PPRC1: variants seen among roughly 807,000 people sequenced by gnomAD.
The protein encoded by PPRC1 is peroxisome proliferator-activated receptor gamma coactivator-related protein 1.
A neutral mutation model predicts 132.5 loss-of-function variants in PPRC1; 23 were observed. That is an observed-to-expected ratio of 0.17 (90% confidence interval 0.12 to 0.25). PPRC1 has a LOEUF of 0.25. Among genes scored for constraint, PPRC1 ranks in the 10% least tolerant of loss-of-function variants. The pLI is 1.00. For synonymous variants in PPRC1, 872 were observed against 833.5 expected (o/e 1.05, Z -0.80); for missense variants, 2,006 against 2,089.1 (o/e 0.96, Z 0.78).
At chr10:102,128,985 A>C (rs192592376), upstream of PPRC1, among the ~76,000 whole-genome samples, 5,792 of 127,112 alleles carry the variant, frequency 0.046, 169 homozygotes, top group Non-Finnish European at 0.062. Flanking sequence ...GCTGGAGTGC[A>C]GTGGCGCGAT....
At chr10:102,134,499 A>G (rs1397910021) in intron 1 of PPRC1, among the ~76,000 whole-genome samples, 1 of 152,194 alleles carries the variant, frequency 6.6e-6, no homozygotes, top group Non-Finnish European at 1.5e-5. Flanking sequence ...TACCTCTCTT[A>G]AACAATTAAG....
At position 102,150,047 on chromosome 10, in the gene PPRC1, C is replaced by G. The variant is rs756501162; in HGVS notation, c.*18C>G. The G allele has an allele frequency of 6.3e-7, 1 of 1,580,940 alleles. No individual in the cohort carries two copies. The highest frequency in any genetic ancestry group is 8.7e-7 in the Non-Finnish European group (1 of 1,149,978). On this transcript the variant is annotated 3_prime_UTR_variant, in exon 14 of 14. Transcript: ENST00000278070. The stretch of plus-strand genomic sequence containing the variant: ...GGAGGTAACCTTGGGCCCTTCCCTG[C>G]TATCCTTTTTCTCCTTTGGAGGTGC...
chr10:102,142,924 A>G (rs2069059301), intron 5 of PPRC1, 121 bp from the exon 6 acceptor site: 1 of 819,876 alleles, frequency 1.2e-6, no homozygotes, highest in East Asian at 2.6e-5. Context: ...ACCTTGGTTC[A>G]CTTAGTACAG....
In PPRC1 at chr10:102,146,778, C is replaced by G; in HGVS notation, c.3786C>G (p.Thr1262=). 1 of 1,614,088 alleles carries G rather than the reference C, an allele frequency of 6.2e-7. No homozygotes were observed. Among genetic ancestry groups the G allele is most frequent in the Non-Finnish European group, 8.5e-7 (1 of 1,180,012 alleles). Residue 1262 remains threonine, a synonymous_variant, in exon 9 of 14, where the codon ACC becomes ACG. Transcript: ENST00000278070. ...CTAAGTCCACCGCCCAGGAGGGAAC[C>G]CTGAAGCCTGAAGGAGTTACGGAGG... is the stretch of plus-strand genomic sequence containing the variant. The part of the protein sequence containing the change: ...KSPKSTAQEG[T]LKPEGVTEAK...
Position 102,141,401 on chromosome 10 carries a change from C to T in PPRC1, c.2893C>T (p.Pro965Ser), listed in dbSNP as rs761107680. ...VPPTCSVPWA[P>S]PPAPVSPYSS... Reference sequence around the variant, plus strand: ...TCCCACTTGCAGTGTGCCTTGGGCACCCCCTCCTGCCCCAGTCTCACCTTA... The same window carrying T: ...TCCCACTTGCAGTGTGCCTTGGGCATCCCCTCCTGCCCCAGTCTCACCTTA... The change falls in exon 5 of 14, where the codon CCC (proline) becomes TCC (serine). Residue 965 changes from proline (P) to serine (S), a missense_variant. Physicochemically the swap from Pro to Ser is moderately conservative, Grantham distance 74. This residue lies in a region of PPRC1 where 1,914 missense variants were observed against 1,917.2 expected (regional missense o/e 1.00). Transcript: ENST00000278070. 1.2e-6 allele frequency: 2 copies of T among 1,613,820 alleles called. No homozygotes were observed. The highest frequency in any genetic ancestry group is 1.3e-5 in the African/African-American group (1 of 74,890).
upstream of PPRC1, among the ~76,000 whole-genome samples, chr10:102,128,565 A>G (rs1361625468): frequency 6.6e-6 from 1 of 152,122 alleles, no homozygotes; most frequent in African/African-American, 2.4e-5. Flanking sequence ...CAAGAGAGAC[A>G]GAGAGAGACA....
chr10:102,134,319 G>A (rs1377577771), intron 1 of PPRC1, among the ~76,000 whole-genome samples: 1 of 152,146 alleles, frequency 6.6e-6, no homozygotes, highest in Non-Finnish European at 1.5e-5. Context: ...GTTGGAGGCG[G>A]TTTGAGAACT....
chr10:102,128,065 A>C (rs1379079167), upstream of PPRC1, among the ~76,000 whole-genome samples: 6 of 151,898 alleles, frequency 4.0e-5, no homozygotes, highest in Non-Finnish European at 8.8e-5. Context: ...CTGGTGTTGG[A>C]GAATCTGCTT....
upstream of PPRC1, among the ~76,000 whole-genome samples, chr10:102,128,529 G>A (rs1384800365): frequency 3.3e-5 from 5 of 151,766 alleles, no homozygotes; most frequent in Non-Finnish European, 5.9e-5. Context: ...CAGAGCAAGA[G>A]ATCCAAAAGA....
At chr10:102,144,869 G>A (rs537654570) in intron 7 of PPRC1, 151 bp from the exon 8 acceptor site, 1 of 657,548 alleles carries the variant, frequency 1.5e-6, no homozygotes, top group African/African-American at 1.8e-5. Flanking sequence ...CAGTCAATAA[G>A]ACCCTTTTGT....
Position 102,146,662 on chromosome 10 carries a change from C to G in PPRC1, c.3680-10C>G. 1 of 1,596,596 alleles carries G rather than the reference C, an allele frequency of 6.3e-7. No individual in the cohort carries two copies. Among genetic ancestry groups the G allele is most frequent in the Non-Finnish European group, 8.5e-7 (1 of 1,170,922 alleles). ...CATCCTGCTATCTCCATCCTCCCTC[C>G]CCACCACAGGGCTCACCCCTCCAGC... On this transcript the variant is annotated splice_polypyrimidine_tract_variant and intron_variant, in intron 8 of 13. Transcript: ENST00000278070.
At chr10:102,124,939 T>A in the PPRC1 span, among the ~76,000 whole-genome samples, 428 of 152,194 alleles carry the variant, frequency 2.8e-3, 1 homozygote, top group African/African-American at 9.8e-3. Flanking sequence ...AGCCACTGCC[T>A]GACCCTGGCC....
chr10:102,133,320 C>G (rs879448469), intron 1 of PPRC1, 99 bp downstream of exon 1: 137 of 1,090,138 alleles, frequency 1.3e-4, no homozygotes, highest in Non-Finnish European at 1.5e-4. Context: ...GCCTGAGAGT[C>G]GATGCCGGGT....
chr10:102,125,126 T>G, the PPRC1 span, among the ~76,000 whole-genome samples: 2 of 152,116 alleles, frequency 1.3e-5, no homozygotes, highest in African/African-American at 4.8e-5. Context: ...AGAGTCTCGC[T>G]CTGTCACCAG....
Position 102,147,166 on chromosome 10 carries a change from C to T in PPRC1, c.4174C>T (p.Pro1392Ser), listed in dbSNP as rs1248405122. Residue 1392 changes from proline (P) to serine (S), a missense_variant, in exon 9 of 14, where the codon CCC (proline) becomes TCC (serine). By Grantham distance (74) the Pro-to-Ser change is moderately conservative (BLOSUM62 -1). Coordinates refer to ENST00000278070, the MANE Select transcript of PPRC1 (RefSeq NM_015062.5). Reference protein sequence around the residue: ...PCRNDMNTRTPPEPSAKQRSM... With the variant: ...PCRNDMNTRTSPEPSAKQRSM... ...CCGGAATGACATGAACACTAGGACT[C>T]CCCCTGAACCCTCAGCCAAGCAGCG... is the stretch of plus-strand genomic sequence containing the variant. 6.2e-7 allele frequency: 1 copy of T among 1,614,158 alleles called. No individual in the cohort carries two copies. Among genetic ancestry groups the T allele is most frequent in the South Asian group, 1.1e-5 (1 of 91,088 alleles).
the PPRC1 span, among the ~76,000 whole-genome samples, chr10:102,123,828 C>T: frequency 6.7e-6 from 1 of 148,624 alleles, no homozygotes; most frequent in Non-Finnish European, 1.5e-5. Flanking sequence ...GCCACCACGC[C>T]CGGCCTTTTT....
chr10:102,133,209 C>A lies in PPRC1; in HGVS notation c.141C>A (p.Ser47Arg). The stretch of plus-strand genomic sequence containing the variant: ...CGTATGGGACTTTGGGCGCTGTGAG[C>A]GGCGGCGAGCAGGTGAGAGGTTGGC... The part of the protein sequence containing the change: ...QAPYGTLGAV[S>R]GGEQVLLHEE... Residue 47 changes from serine (S) to arginine (R), a missense_variant, in exon 1 of 14, where the codon AGC becomes AGA. By Grantham distance (110) the Ser-to-Arg change is moderately radical. This residue lies in a region of PPRC1 where 1,914 missense variants were observed against 1,917.2 expected (regional missense o/e 1.00). Coordinates refer to ENST00000278070, the MANE Select transcript of PPRC1 (RefSeq NM_015062.5). 4.7e-6 allele frequency: 6 copies of A among 1,281,750 alleles called. No individual in the cohort carries two copies. The highest frequency in any genetic ancestry group is 6.0e-6 in the Non-Finnish European group (6 of 1,007,662). 79.4% of individuals were successfully genotyped at this position (1,281,750 alleles called of 1,614,324 possible). A position where few individuals can be genotyped will look rare whatever the true frequency, so the allele number is the denominator to read the frequency against.
chr10:102,134,725 T>C (rs1420114221), intron 1 of PPRC1, among the ~76,000 whole-genome samples: 1 of 152,164 alleles, frequency 6.6e-6, no homozygotes, highest in Admixed American at 6.5e-5. Flanking sequence ...CCCCAGGGTC[T>C]AGGCCAGAAT....
chr10:102,135,995 G>A (rs2068708451), intron 1 of PPRC1, among the ~76,000 whole-genome samples: 1 of 152,174 alleles, frequency 6.6e-6, no homozygotes, highest in Non-Finnish European at 1.5e-5. Context: ...ACACCTGATG[G>A]AGGTGAAGAT....
Sources: gnomAD v4.1 joint callset for allele counts (sites outside exome capture counted in the v4.1 genomes callset) on GRCh38, gnomAD v4.1.1 for gene constraint, gnomAD v4.1.1 regional missense constraint, MANE v1.5 for transcripts, NCBI Gene and HGNC (gene_info 2026-07-23, HGNC 2026-07-21) for gene names.